IQGAP1: variants seen among roughly 807,000 people sequenced by gnomAD.
IQGAP1 encodes the protein IQ motif containing GTPase activating protein 1.
Under a neutral mutation model 215.6 loss-of-function variants are expected in IQGAP1, and 66 were observed. That is an observed-to-expected ratio of 0.31 (90% confidence interval 0.25 to 0.38). The LOEUF (loss-of-function observed/expected upper bound fraction) is 0.38. IQGAP1 is among the 10% of genes least tolerant of loss of function. The pLI, the probability that IQGAP1 is intolerant of heterozygous loss-of-function variation, is 1.00. For missense variants in IQGAP1, 1,712 were observed against 1,997.1 expected (o/e 0.86, Z 2.72); for synonymous variants, 772 against 728.7 (o/e 1.06, Z -0.96).
Position 90,481,984 on chromosome 15 carries a change from T to A in IQGAP1, c.3354T>A (p.Pro1118=), listed in dbSNP as rs1966065299. The A allele has an allele frequency of 6.2e-7, 1 of 1,614,240 alleles. No individual in the cohort carries two copies. ...GCAAACTGCCCTATGATGTGACCCC[T>A]GAGCAGGCGCTAGCTCATGAAGAAG... ...EASKLPYDVT[P]EQALAHEEVK... is the part of the protein sequence containing the mutation. The change falls in exon 27 of 38, where the codon CCT becomes CCA. Residue 1118 remains proline (P), a synonymous_variant. Coordinates refer to ENST00000268182, the MANE Select transcript of IQGAP1 (RefSeq NM_003870.4).
intron 30 of IQGAP1, among the ~76,000 whole-genome samples, chr15:90,485,009 G>C (rs1966107364): frequency 6.6e-6 from 1 of 151,922 alleles, no homozygotes; most frequent in African/African-American, 2.4e-5. Flanking sequence ...TTTTACCCTA[G>C]CTCTCTGCGT....
At chr15:90,450,645 T>C (rs1035879035) in intron 11 of IQGAP1, among the ~76,000 whole-genome samples, 1 of 151,980 alleles carries the variant, frequency 6.6e-6, no homozygotes, top group African/African-American at 2.4e-5. Context: ...GCCATTTTAA[T>C]TGGGGTGAGA....
At chr15:90,402,828 CATTT>C (rs1964822307) in intron 2 of IQGAP1, among the ~76,000 whole-genome samples, 1 of 152,050 alleles carries the variant, frequency 6.6e-6, no homozygotes, top group Non-Finnish European at 1.5e-5. Context: ...AAAAAGATAA[CATTT>C]AAATAGAAAA....
At chr15:90,428,059 T>G (rs1285699257) in intron 3 of IQGAP1, among the ~76,000 whole-genome samples, 1 of 152,140 alleles carries the variant, frequency 6.6e-6, no homozygotes, top group African/African-American at 2.4e-5. Flanking sequence ...GGGTTTTTTT[T>G]GTTGTTGGTT....
intron 30 of IQGAP1, among the ~76,000 whole-genome samples, chr15:90,485,163 AC>A (rs1469473313): frequency 4.6e-5 from 7 of 152,164 alleles, no homozygotes; most frequent in African/African-American, 1.7e-4. Context: ...TAAAACAGGA[AC>A]AAGGGCATAT....
chr15:90,480,691 CAG>C (rs1218628893), intron 26 of IQGAP1, among the ~76,000 whole-genome samples: 6 of 152,106 alleles, frequency 3.9e-5, no homozygotes, highest in African/African-American at 1.4e-4. Context: ...GTGGTTGAGA[CAG>C]AGTCTCGTTC....
In IQGAP1 at chr15:90,452,881, A is replaced by G. The variant is rs774467983; in HGVS notation, c.1269A>G (p.Pro423=). Residue 423 remains proline (P), a synonymous_variant, in exon 12 of 38, where the codon CCA becomes CCG. Coordinates refer to ENST00000268182, the MANE Select transcript of IQGAP1 (RefSeq NM_003870.4). The part of the protein sequence containing the change: ...NPEAQLPQVY[P]FAADLYQKEL... The stretch of plus-strand genomic sequence containing the variant: ...AAGCCCAGCTGCCCCAGGTGTATCC[A>G]TTTGCCGCCGATCTCTATCAGAAGG... 5.6e-6 allele frequency: 9 copies of G among 1,613,958 alleles called. No individual in the cohort carries two copies. Among genetic ancestry groups the G allele is most frequent in the Admixed American group, 1.7e-5 (1 of 59,990 alleles).
intron 26 of IQGAP1, among the ~76,000 whole-genome samples, chr15:90,480,056 G>A (rs1318960584): frequency 6.6e-6 from 1 of 151,896 alleles, no homozygotes; most frequent in Non-Finnish European, 1.5e-5. Context: ...TTTCTTGTGG[G>A]TACCTATAAG....
chr15:90,409,235 C>CTT (rs138296381), intron 2 of IQGAP1, among the ~76,000 whole-genome samples: 17 of 118,438 alleles, frequency 1.4e-4, no homozygotes, highest in Non-Finnish European at 2.2e-4. Context: ...CCTATATTCA[C>CTT]TTTTTTTTTT....
At chr15:90,465,272 T>C (rs1447666662) in intron 15 of IQGAP1, among the ~76,000 whole-genome samples, 1 of 152,226 alleles carries the variant, frequency 6.6e-6, no homozygotes, top group Admixed American at 6.5e-5. Context: ...AAAACATTAG[T>C]AGTCATAGAG....
chr15:90,499,559 T>G (rs1040676892), intron 37 of IQGAP1, among the ~76,000 whole-genome samples: 17 of 152,228 alleles, frequency 1.1e-4, no homozygotes, highest in Non-Finnish European at 2.1e-4. Flanking sequence ...TTCCCCGTGC[T>G]TAGTATATTT....
rs149062666 is a variant in IQGAP1 at position 90,472,426 on chromosome 15, C to G, written c.2179-414C>G. Among the ~76,000 whole-genome samples, 15 of 152,308 alleles carry G rather than the reference C, an allele frequency of 9.8e-5. No individual in the cohort carries two copies. The East Asian group carries it at 2.9e-3, about 29-fold the overall frequency. Reference sequence around the variant, plus strand: ...GAGAAGCAATTTTCAGTCCTCACCTCTGGTCTCTCCCCCTGAGATGTCCTG... The same window carrying G: ...GAGAAGCAATTTTCAGTCCTCACCTGTGGTCTCTCCCCCTGAGATGTCCTG... On this transcript the variant is annotated intron_variant, in intron 18 of 37. Transcript: ENST00000268182.
chr15:90,419,312 C>G (rs1321111923), intron 2 of IQGAP1, among the ~76,000 whole-genome samples: 1 of 152,024 alleles, frequency 6.6e-6, no homozygotes, highest in African/African-American at 2.4e-5. Flanking sequence ...GATAATAATG[C>G]ATGTAAAGTA....
At chr15:90,432,377 CA>C in intron 4 of IQGAP1, among the ~76,000 whole-genome samples, 1 of 152,266 alleles carries the variant, frequency 6.6e-6, no homozygotes, top group South Asian at 2.1e-4. Context: ...AGCCTCCCAG[CA>C]TACCTCCCCA....
intron 15 of IQGAP1, among the ~76,000 whole-genome samples, chr15:90,458,093 G>T (rs1965712031): frequency 6.6e-6 from 1 of 152,074 alleles, no homozygotes; most frequent in Non-Finnish European, 1.5e-5. Flanking sequence ...TTTGTCTATG[G>T]GTTTGTCTAT....
intron 26 of IQGAP1, 126 bp downstream of exon 26, chr15:90,478,015 G>C (rs1479624680): frequency 1.5e-6 from 1 of 686,678 alleles, no homozygotes; most frequent in Non-Finnish European, 2.4e-6. Flanking sequence ...TTTTTAGACA[G>C]AGTTTCACTC....
chr15:90,431,677 G>A (rs1252434709), intron 4 of IQGAP1, among the ~76,000 whole-genome samples: 1 of 141,784 alleles, frequency 7.1e-6, no homozygotes, highest in African/African-American at 3.0e-5. Flanking sequence ...GCCTTGAATT[G>A]TCCACCCTAC....
At position 90,467,508 on chromosome 15, in the gene IQGAP1, C is replaced by G; in HGVS notation, c.2094C>G (p.His698Gln). ...HWVKGGYYYY[H>Q]NLETQEGGWD... The stretch of plus-strand genomic sequence containing the variant: ...TAAAAGGTGGATATTATTATTACCA[C>G]AATCTGGAGACCCAGGAAGGAGGAT... The change falls in exon 18 of 38, where the codon CAC becomes CAG. Residue 698 changes from histidine (H) to glutamine (Q), a missense_variant. By Grantham distance (24) the His-to-Gln change is conservative. Transcript: ENST00000268182. 2.5e-6 allele frequency: 4 copies of G among 1,612,946 alleles called. No individual in the cohort carries two copies. The highest frequency in any genetic ancestry group is 3.4e-6 in the Non-Finnish European group (4 of 1,179,438).
At chr15:90,427,940 A>C (rs1162406691) in intron 3 of IQGAP1, among the ~76,000 whole-genome samples, 1 of 152,216 alleles carries the variant, frequency 6.6e-6, no homozygotes, top group East Asian at 1.9e-4. Flanking sequence ...GATAATTTTT[A>C]TGTTTTATGT....
Sources: gnomAD v4.1 joint callset for allele counts (sites outside exome capture counted in the v4.1 genomes callset) on GRCh38, gnomAD v4.1.1 for gene constraint, MANE v1.5 for transcripts, NCBI Gene and HGNC (gene_info 2026-07-23, HGNC 2026-07-21) for gene names.